Variants in ACACA observed in about 807,000 individuals in gnomAD.
The protein encoded by ACACA is acetyl-CoA carboxylase alpha.
In ACACA, 103 loss-of-function variants were observed where a neutral mutation model predicts 296.1. The ratio of observed to expected loss-of-function variants is 0.35; its 90% CI spans 0.30 to 0.41. The LOEUF is 0.41. Ranked by LOEUF, ACACA falls within the 10% of genes least tolerant of loss-of-function variation. The pLI is 1.00. For missense variants in ACACA, 1,554 were observed against 2,989.7 expected (o/e 0.52, Z 11.20); for synonymous variants, 953 against 1,038.6 (o/e 0.92, Z 1.58).
chr17:37,125,859 C>T, intron 47 of ACACA, 65 bp from the exon 48 acceptor site: 2 of 1,413,918 alleles, frequency 1.4e-6, no homozygotes, highest in South Asian at 2.4e-5. Context: ...TGTGCTGGAA[C>T]TGACGAATTT....
intron 20 of ACACA, 47 bp downstream of exon 20, chr17:37,245,033 G>C: frequency 6.2e-7 from 1 of 1,613,784 alleles, no homozygotes; most frequent in Non-Finnish European, 8.5e-7. Context: ...AAACCACCAA[G>C]TTCTTTAGCT....
At chr17:37,088,846 T>C (rs1034290293) in intron 55 of ACACA, 92 bp downstream of exon 55, 2 of 1,506,480 alleles carry the variant, frequency 1.3e-6, no homozygotes, top group African/African-American at 2.8e-5. Context: ...GATCATAAGA[T>C]TTCTGCGATC....
chr17:37,123,828 A>T (rs966368314), intron 48 of ACACA, among the ~76,000 whole-genome samples: 1 of 152,228 alleles, frequency 6.6e-6, no homozygotes, highest in African/African-American at 2.4e-5. Flanking sequence ...AAGCCACCCT[A>T]AATCGGTAAC....
rs1168759476 is a variant in ACACA, at chr17:37,113,615, T to C, written c.6275-350A>G. On this transcript the variant is annotated intron_variant, in intron 50 of 55. Coordinates refer to ENST00000616317, the MANE Select transcript of ACACA (RefSeq NM_198834.3). The surrounding 1 kb of genome is among the most constrained non-coding windows in gnomAD (Gnocchi z 4.0). ...GTTGAGTATTTTTCATGTCAATATGTGCTCTCCCACTACAGTAAGTTTACT... is the reference window on the plus strand; with the variant it reads ...GTTGAGTATTTTTCATGTCAATATGCGCTCTCCCACTACAGTAAGTTTACT... Among the ~76,000 whole-genome samples, 1 of 152,246 alleles carries C rather than the reference T, an allele frequency of 6.6e-6. No individual in the cohort carries two copies. Among genetic ancestry groups the C allele is most frequent in the African/African-American group, 2.4e-5 (1 of 41,462 alleles).
At chr17:37,236,852 A>G (rs1043293664) in intron 24 of ACACA, among the ~76,000 whole-genome samples, 7 of 152,248 alleles carry the variant, frequency 4.6e-5, no homozygotes, top group African/African-American at 1.7e-4. Flanking sequence ...CACCAAACAA[A>G]AAACAAAACA....
At chr17:37,344,064 C>CA (rs1329221917) in intron 1 of ACACA, among the ~76,000 whole-genome samples, 1 of 144,878 alleles carries the variant, frequency 6.9e-6, no homozygotes, top group Admixed American at 6.9e-5. Context: ...TCTGAAAACA[C>CA]AAAAAATATA....
At chr17:37,337,379 G>A (rs2048170425) in intron 2 of ACACA, among the ~76,000 whole-genome samples, 1 of 145,032 alleles carries the variant, frequency 6.9e-6, no homozygotes, top group Admixed American at 7.1e-5. Flanking sequence ...TAGCACCACT[G>A]TACTCCAGCC....
intron 43 of ACACA, among the ~76,000 whole-genome samples, chr17:37,154,004 A>T (rs2144218414): frequency 6.6e-6 from 1 of 152,290 alleles, no homozygotes; most frequent in East Asian, 1.9e-4. Context: ...CTTTTTTGGA[A>T]TTAGAAAAAC....
chr17:37,301,265 C>T, intron 3 of ACACA: 2 of 636,970 alleles, frequency 3.1e-6, no homozygotes, highest in Non-Finnish European at 3.9e-6. Context: ...GACACTGCTG[C>T]TCACAATCTT....
chr17:37,327,561 A>G (rs2047678857), intron 3 of ACACA, among the ~76,000 whole-genome samples: 1 of 152,214 alleles, frequency 6.6e-6, no homozygotes, highest in Admixed American at 6.5e-5. Context: ...GACTTTGCAT[A>G]AGAACCATCA....
At position 37,267,587 on chromosome 17, in the gene ACACA, T is replaced by A. The variant is rs553099660; in HGVS notation, c.1119+3164A>T. Reference sequence around the variant, plus strand: ...TTAATTATTTATCTTTTTCTAGATTTTTTTGTTTTGTCACCCAGGCTGGAA... The same window carrying A: ...TTAATTATTTATCTTTTTCTAGATTATTTTGTTTTGTCACCCAGGCTGGAA... On this transcript the variant is annotated intron_variant, in intron 10 of 55. Transcript: ENST00000616317. 3.0e-3 allele frequency among the ~76,000 whole-genome samples: 460 copies of A among 152,306 alleles called. 3 individuals carry two copies. The South Asian group carries it at 0.033, about 11-fold the overall frequency.
In ACACA at chr17:37,171,027, T is replaced by TA. The variant is rs773468264; in HGVS notation, c.5079+8232dup. Among the ~76,000 whole-genome samples, 58 of 152,354 alleles carry TA rather than the reference T, an allele frequency of 3.8e-4. 2 individuals are homozygous for TA. The highest frequency in any genetic ancestry group is 2.7e-3 in the South Asian group (13 of 4,832). On this transcript the variant is annotated intron_variant, in intron 41 of 55. Coordinates refer to ENST00000616317, the MANE Select transcript of ACACA (RefSeq NM_198834.3). ...ATATCTTTGCCACAGCTGCCTTTCT[T>TA]ACATCTCCACACTTTGACTTGAGCT... is the stretch of plus-strand genomic sequence containing the variant.
In ACACA at chr17:37,244,740, A is replaced by G; in HGVS notation, c.2596-6T>C. The G allele has an allele frequency of 6.2e-7, 1 of 1,614,172 alleles. No homozygotes were observed. On this transcript the variant is annotated splice_polypyrimidine_tract_variant and splice_region_variant and intron_variant, in intron 20 of 55. Coordinates refer to ENST00000616317, the MANE Select transcript of ACACA (RefSeq NM_198834.3). ...CTACCTGTGTGAAGTTCAGCCTGTC[A>G]ACCCCAACAAGAGATCAAGTCATCT...
At position 37,263,728 on chromosome 17, in the gene ACACA, G is replaced by C. The variant is rs1355540769; in HGVS notation, c.1286C>G (p.Pro429Arg). The change falls in exon 11 of 56, where the codon CCT becomes CGT. Residue 429 changes from proline (P) to arginine (R), a missense_variant. By Grantham distance (103) the Pro-to-Arg change is moderately radical. Transcript: ENST00000616317. ...TACTGCTGGAGTAGCAATAGTAGCA[G>C]GTGCTTCTTCAATAATCTTCTGATG... is the stretch of plus-strand genomic sequence containing the variant. ...RRHQKIIEEA[P>R]ATIATPAVFE... 1 of 1,614,080 alleles carries C rather than the reference G, an allele frequency of 6.2e-7. No individual in the cohort carries two copies. Among genetic ancestry groups the C allele is most frequent in the Non-Finnish European group, 8.5e-7 (1 of 1,179,988 alleles).
intron 1 of ACACA, among the ~76,000 whole-genome samples, chr17:37,340,056 T>A (rs2048314375): frequency 6.6e-6 from 1 of 152,216 alleles, no homozygotes; most frequent in African/African-American, 2.4e-5. Flanking sequence ...TAAAGACTAT[T>A]GTTTAAGAAA....
At chr17:37,239,752 T>C (rs1487695694) in intron 24 of ACACA, among the ~76,000 whole-genome samples, 1 of 152,240 alleles carries the variant, frequency 6.6e-6, no homozygotes, top group East Asian at 1.9e-4. Context: ...TTATTTTGTA[T>C]GTTATTGGAT....
At chr17:37,124,627 G>C (rs1041115219) in intron 48 of ACACA, among the ~76,000 whole-genome samples, 1 of 152,162 alleles carries the variant, frequency 6.6e-6, no homozygotes, top group East Asian at 1.9e-4. Flanking sequence ...CAGGCACAGA[G>C]AATACTTCTC....
chr17:37,227,761 G>A (rs1363247606), intron 25 of ACACA, among the ~76,000 whole-genome samples: 1 of 151,466 alleles, frequency 6.6e-6, no homozygotes, highest in Admixed American at 6.6e-5. Context: ...TCAGGAGGCT[G>A]AGGCAGGAGA....
intron 29 of ACACA, among the ~76,000 whole-genome samples, chr17:37,211,460 T>C (rs2078744746): frequency 6.6e-6 from 1 of 152,234 alleles, no homozygotes; most frequent in Non-Finnish European, 1.5e-5. Flanking sequence ...AAAACCTTTA[T>C]TTTCAATGTT....
Sources: allele counts gnomAD v4.1 joint callset (sites outside exome capture counted in the v4.1 genomes callset), GRCh38; gene constraint gnomAD v4.1.1; non-coding constraint Gnocchi (gnomAD v3.1); transcripts MANE v1.5; gene names NCBI Gene and HGNC (gene_info 2026-07-23, HGNC 2026-07-21).